BRINP3: variants seen among roughly 807,000 people sequenced by gnomAD.
The protein encoded by BRINP3 is BMP/retinoic acid-inducible neural-specific protein 3.
Under a neutral mutation model 71.0 loss-of-function variants are expected in BRINP3, and 19 were observed. The ratio of observed to expected loss-of-function variants is 0.27; its 90% CI spans 0.19 to 0.39. The LOEUF (loss-of-function observed/expected upper bound fraction) is 0.39, where lower values mean the gene tolerates loss of function less well. Ranked by LOEUF, BRINP3 falls within the 10% of genes least tolerant of loss-of-function variation. The probability of loss-of-function intolerance (pLI) is 1.00; values close to 1 mark genes in which losing one functional copy is unlikely to be tolerated. For synonymous variants in BRINP3, 380 were observed against 337.7 expected, an observed-to-expected ratio of 1.13 and a Z score of -1.37; for missense variants, 959 against 940.8, an observed-to-expected ratio of 1.02 and a Z score of -0.25.
chr1:190,259,000 T>C (rs1046041799), intron 4 of BRINP3, among the ~76,000 whole-genome samples: 1 of 152,140 alleles, frequency 6.6e-6, no homozygotes, highest in Non-Finnish European at 1.5e-5. Flanking sequence ...ATTGAACTAA[T>C]AACCAAAATC....
At chr1:190,221,068 A>T (rs1656844851) in intron 6 of BRINP3, among the ~76,000 whole-genome samples, 1 of 152,116 alleles carries the variant, frequency 6.6e-6, no homozygotes, top group African/African-American at 2.4e-5. Context: ...AAACACAAAA[A>T]TTAGTCGGGC....
chr1:190,197,272 A>G (rs1654569229), intron 6 of BRINP3, among the ~76,000 whole-genome samples: 1 of 152,106 alleles, frequency 6.6e-6, no homozygotes. Flanking sequence ...AGATTTGGAA[A>G]GAGACAGAGC....
intron 7 of BRINP3, among the ~76,000 whole-genome samples, chr1:190,148,596 AAAATAAAT>A (rs71123073): frequency 0.12 from 15,868 of 134,802 alleles, 1,174 homozygotes; most frequent in African/African-American, 0.21. Flanking sequence ...ACTCTGTCAC[AAAATAAAT>A]AAATAAATAA....
intron 6 of BRINP3, among the ~76,000 whole-genome samples, chr1:190,225,411 T>C (rs567310310): frequency 6.6e-6 from 1 of 151,802 alleles, no homozygotes. Context: ...TTCCCACTCA[T>C]ATGTGGAAGC....
At chr1:190,187,409 C>T (rs1294963117) in intron 6 of BRINP3, among the ~76,000 whole-genome samples, 4 of 151,950 alleles carry the variant, frequency 2.6e-5, no homozygotes, top group Non-Finnish European at 5.9e-5. Flanking sequence ...TATACTTTTG[C>T]TTTTGTTGCC....
At chr1:190,403,107 T>C (rs1672039507) in intron 2 of BRINP3, among the ~76,000 whole-genome samples, 1 of 152,238 alleles carries the variant, frequency 6.6e-6, no homozygotes, top group Non-Finnish European at 1.5e-5. Context: ...TCTTAAATGA[T>C]TGGATACTTT....
intron 2 of BRINP3, among the ~76,000 whole-genome samples, chr1:190,417,674 G>T (rs537685605): frequency 7.2e-4 from 110 of 152,138 alleles, no homozygotes; most frequent in African/African-American, 2.6e-3. Flanking sequence ...AAATAGATGG[G>T]CTTGAATAGC....
At position 190,249,679 on chromosome 1, in the gene BRINP3, T is replaced by C. The variant is rs1295162042; in HGVS notation, c.618+15186A>G. Among the ~76,000 whole-genome samples, 4 of 151,816 alleles carry C rather than the reference T, an allele frequency of 2.6e-5. No homozygotes were observed. In the East Asian group the frequency reaches 7.7e-4, roughly 29 times the overall value. ...TTCAAACTTTAACCTACACCAAATGTGAACGCGTTTGAGAATTTGAACTGA... is the reference window on the plus strand; with the variant it reads ...TTCAAACTTTAACCTACACCAAATGCGAACGCGTTTGAGAATTTGAACTGA... On this transcript the variant is annotated intron_variant, in intron 4 of 7. Transcript: ENST00000367462.
chr1:190,472,944 T>C (rs1207610170), intron 1 of BRINP3, among the ~76,000 whole-genome samples: 2 of 151,822 alleles, frequency 1.3e-5, no homozygotes, highest in East Asian at 3.8e-4. Flanking sequence ...TATGAAAATG[T>C]ACATTTCTAT....
At chr1:190,277,261 C>T (rs1372835472) in intron 3 of BRINP3, among the ~76,000 whole-genome samples, 1 of 150,424 alleles carries the variant, frequency 6.6e-6, no homozygotes, top group South Asian at 2.1e-4. Context: ...AGGAAAGAGG[C>T]TGCCCATGAA....
At chr1:190,453,299 C>T (rs910737154) in intron 2 of BRINP3, among the ~76,000 whole-genome samples, 2 of 136,434 alleles carry the variant, frequency 1.5e-5, no homozygotes, top group South Asian at 4.8e-4. Flanking sequence ...CGGCTCACTG[C>T]AAGCTCCACC....
intron 2 of BRINP3, among the ~76,000 whole-genome samples, chr1:190,435,863 C>T (rs563924201): frequency 6.6e-6 from 1 of 151,976 alleles, no homozygotes; most frequent in African/African-American, 2.4e-5. Context: ...GCACATCTAC[C>T]CTGGTTATAT....
chr1:190,200,408 C>A (rs1232235592), intron 6 of BRINP3, among the ~76,000 whole-genome samples: 1 of 152,012 alleles, frequency 6.6e-6, no homozygotes, highest in Non-Finnish European at 1.5e-5. Context: ...ATCTTAGAGA[C>A]CATATATTAT....
At chr1:190,319,230 T>C (rs952118322) in intron 2 of BRINP3, among the ~76,000 whole-genome samples, 1 of 152,090 alleles carries the variant, frequency 6.6e-6, no homozygotes, top group Non-Finnish European at 1.5e-5. Flanking sequence ...CTTCTGAAGC[T>C]TGGAATACCT....
At chr1:190,121,790 T>C (rs920761328) in intron 7 of BRINP3, among the ~76,000 whole-genome samples, 4 of 152,164 alleles carry the variant, frequency 2.6e-5, no homozygotes, top group Non-Finnish European at 5.9e-5. Flanking sequence ...AACTGCCTAT[T>C]ACATTAGAAC....
rs558438098 is a variant in BRINP3 at position 190,371,559 on chromosome 1, A to G, written c.236+83096T>C. 8.5e-5 allele frequency among the ~76,000 whole-genome samples: 13 copies of G among 152,200 alleles called. 1 individual carries two copies. The South Asian group carries it at 2.7e-3, about 32-fold the overall frequency. On this transcript the variant is annotated intron_variant, in intron 2 of 7. Transcript: ENST00000367462. Reference sequence around the variant, plus strand: ...CTTCTGTTTTTATGCCATTATCATGATGCTTTGATTACTATAGCTTTGCAG... The same window carrying G: ...CTTCTGTTTTTATGCCATTATCATGGTGCTTTGATTACTATAGCTTTGCAG...
intron 2 of BRINP3, among the ~76,000 whole-genome samples, chr1:190,294,360 A>G (rs140502033): frequency 7.3e-4 from 111 of 151,776 alleles, no homozygotes; most frequent in African/African-American, 2.5e-3. Flanking sequence ...CCAGGTCTCA[A>G]GTGATCCTCC....
intron 7 of BRINP3, among the ~76,000 whole-genome samples, chr1:190,108,612 C>G (rs982237677): frequency 2.7e-5 from 4 of 147,570 alleles, no homozygotes; most frequent in African/African-American, 7.5e-5. Flanking sequence ...ATCTAGTATG[C>G]CTAACCATCT....
intron 2 of BRINP3, among the ~76,000 whole-genome samples, chr1:190,376,607 T>C (rs1299779763): frequency 2.0e-5 from 3 of 152,084 alleles, no homozygotes; most frequent in Non-Finnish European, 4.4e-5. Flanking sequence ...CAAGTAATTG[T>C]TAATTTGTTT....
Sources: allele counts gnomAD v4.1 joint callset (sites outside exome capture counted in the v4.1 genomes callset), GRCh38; gene constraint gnomAD v4.1.1; transcripts MANE v1.5; gene names NCBI Gene and HGNC (gene_info 2026-07-23, HGNC 2026-07-21).